SRGAP1: variants seen among roughly 807,000 people sequenced by gnomAD.
SRGAP1 encodes SLIT-ROBO Rho GTPase-activating protein 1.
Under a neutral mutation model 121.9 loss-of-function variants are expected in SRGAP1, and 43 were observed. The observed-to-expected ratio is 0.35, with a 90% CI of 0.28 to 0.46. The LOEUF (loss-of-function observed/expected upper bound fraction) is 0.46, where lower values mean the gene tolerates loss of function less well. Among genes scored for constraint, SRGAP1 ranks in the 20% least tolerant of loss-of-function variants. The probability of loss-of-function intolerance (pLI) is 1.00; values close to 1 mark genes in which losing one functional copy is unlikely to be tolerated. For synonymous variants in SRGAP1, 447 were observed against 485.4 expected (o/e 0.92, Z 1.04); for missense variants, 1,102 against 1,350.9 (o/e 0.82, Z 2.89).
intron 1 of SRGAP1, among the ~76,000 whole-genome samples, chr12:63,937,131 A>G (rs1412407498): frequency 6.6e-6 from 1 of 152,194 alleles, no homozygotes; most frequent in Admixed American, 6.5e-5. Context: ...TGGCACATGA[A>G]TCTCATGTTG....
At chr12:64,008,991 C>T (rs1003893041) in intron 3 of SRGAP1, among the ~76,000 whole-genome samples, 4 of 151,998 alleles carry the variant, frequency 2.6e-5, no homozygotes, top group African/African-American at 7.3e-5. Flanking sequence ...CACCAGGGAA[C>T]GGTATAGCTT....
rs531671510 is a variant in SRGAP1, at chr12:64,045,477, G to A, written c.801+1902G>A. Among the ~76,000 whole-genome samples, 22 of 150,284 alleles carry A rather than the reference G, an allele frequency of 1.5e-4. No individual in the cohort carries two copies. The East Asian group carries it at 2.9e-3, about 20-fold the overall frequency. On this transcript the variant is annotated intron_variant, in intron 6 of 21. Coordinates refer to ENST00000355086, the MANE Select transcript of SRGAP1 (RefSeq NM_020762.4). ...CTGAGATGGAGTCTCACTCTGTCAC[G>A]TAGGCTGGAGTTCAGTGGTACAATC...
At chr12:64,109,425 G>A (rs1239631757) in intron 16 of SRGAP1, among the ~76,000 whole-genome samples, 1 of 152,012 alleles carries the variant, frequency 6.6e-6, no homozygotes, top group Non-Finnish European at 1.5e-5. Context: ...TTGTAGTTGA[G>A]GATGGAAGAA....
intron 1 of SRGAP1, among the ~76,000 whole-genome samples, chr12:63,873,868 A>C (rs1376595133): frequency 6.6e-6 from 1 of 151,726 alleles, no homozygotes; most frequent in African/African-American, 2.4e-5. Context: ...TCTCTACAAA[A>C]AATACAAAAA....
intron 1 of SRGAP1, among the ~76,000 whole-genome samples, chr12:63,855,869 G>T (rs1274997057): frequency 6.6e-6 from 1 of 152,008 alleles, no homozygotes; most frequent in Non-Finnish European, 1.5e-5. Flanking sequence ...TGTGAGTTTT[G>T]TTTTGTTTTA....
At chr12:63,954,754 C>T (rs1016428901) in intron 1 of SRGAP1, among the ~76,000 whole-genome samples, 2 of 151,484 alleles carry the variant, frequency 1.3e-5, no homozygotes. Context: ...TTGAGCTACA[C>T]AATTGTAGGT....
At chr12:64,100,732 A>G (rs1299880901) in intron 15 of SRGAP1, among the ~76,000 whole-genome samples, 1 of 152,112 alleles carries the variant, frequency 6.6e-6, no homozygotes, top group Non-Finnish European at 1.5e-5. Flanking sequence ...TTTTCCTCCA[A>G]CATGTAACCT....
chr12:63,866,177 G>T (rs1352336228), intron 1 of SRGAP1, among the ~76,000 whole-genome samples: 1 of 152,114 alleles, frequency 6.6e-6, no homozygotes, highest in Non-Finnish European at 1.5e-5. Context: ...ACAACTTTTT[G>T]TGTAGTTGTA....
intron 1 of SRGAP1, among the ~76,000 whole-genome samples, chr12:63,896,344 T>C (rs1018233415): frequency 6.6e-6 from 1 of 152,162 alleles, no homozygotes; most frequent in Non-Finnish European, 1.5e-5. Flanking sequence ...AAAGATAGAA[T>C]GTGTGACAGC....
At chr12:63,860,877 G>A (rs750481439) in intron 1 of SRGAP1, among the ~76,000 whole-genome samples, 3 of 150,836 alleles carry the variant, frequency 2.0e-5, no homozygotes, top group Non-Finnish European at 4.4e-5. Flanking sequence ...CCAGACTGGA[G>A]TGCAGTGCTT....
At position 64,142,391 on chromosome 12, in the gene SRGAP1, C is replaced by T. The variant is rs1442582968; in HGVS notation, c.2977C>T (p.Leu993=). 1.2e-6 allele frequency: 2 copies of T among 1,613,954 alleles called. No individual in the cohort carries two copies. The highest frequency in any genetic ancestry group is 1.3e-5 in the African/African-American group (1 of 74,882). Reference sequence around the variant, plus strand: ...TGCCCCTGATGTGGTGCTGGATACCCTGGAGCAAGTGAAAAACTCTCCCAC... The same window carrying T: ...TGCCCCTGATGTGGTGCTGGATACCTTGGAGCAAGTGAAAAACTCTCCCAC... The part of the protein sequence containing the change: ...KHAPDVVLDT[L]EQVKNSPTPA... The change falls in exon 22 of 22, where the codon CTG becomes TTG. Residue 993 remains leucine (L), a synonymous_variant. Coordinates refer to ENST00000355086, the MANE Select transcript of SRGAP1 (RefSeq NM_020762.4).
intron 1 of SRGAP1, among the ~76,000 whole-genome samples, chr12:63,981,227 T>C (rs1464698294): frequency 6.6e-6 from 1 of 152,210 alleles, no homozygotes. Flanking sequence ...TAAATCCTGA[T>C]GGAAGTAAGC....
intron 4 of SRGAP1, among the ~76,000 whole-genome samples, chr12:64,035,431 C>G (rs1380162305): frequency 1.3e-5 from 2 of 152,152 alleles, no homozygotes; most frequent in African/African-American, 4.8e-5. Flanking sequence ...TTATGTCTTT[C>G]ATCTCTAGTC....
chr12:64,086,034 A>T (rs1175793052), intron 10 of SRGAP1, among the ~76,000 whole-genome samples: 1 of 152,180 alleles, frequency 6.6e-6, no homozygotes, highest in Non-Finnish European at 1.5e-5. Flanking sequence ...GTGTTGGTTC[A>T]CCATTCCCAA....
intron 21 of SRGAP1, among the ~76,000 whole-genome samples, chr12:64,130,528 T>C: frequency 6.6e-6 from 1 of 152,162 alleles, no homozygotes; most frequent in Non-Finnish European, 1.5e-5. Flanking sequence ...TGGACACAGA[T>C]TCAGAGCATA....
At chr12:63,994,412 G>A (rs113727685) in intron 3 of SRGAP1, among the ~76,000 whole-genome samples, 8 of 152,196 alleles carry the variant, frequency 5.3e-5, no homozygotes, top group African/African-American at 1.7e-4. Context: ...ACAGTGATAA[G>A]TGCCCTCACA....
intron 1 of SRGAP1, among the ~76,000 whole-genome samples, chr12:63,891,983 C>CAAAAAAAAAAAAAA (rs10716009): frequency 4.2e-5 from 4 of 96,338 alleles, no homozygotes; most frequent in African/African-American, 1.2e-4. Context: ...AAGACTGTCT[C>CAAAAAAAAAAAAAA]AAAAAAAAAA....
intron 21 of SRGAP1, 131 bp downstream of exon 21, chr12:64,128,331 G>GAAACAAA (rs1256081793): frequency 1.1e-6 from 1 of 936,914 alleles, no homozygotes; most frequent in Non-Finnish European, 1.5e-6. Context: ...AAAGAAAACA[G>GAAACAAA]AAACAAAACC....
intron 1 of SRGAP1, among the ~76,000 whole-genome samples, chr12:63,903,407 A>G (rs2030030054): frequency 1.3e-5 from 2 of 152,144 alleles, no homozygotes; most frequent in South Asian, 4.2e-4. Flanking sequence ...TTACAAATAC[A>G]ATACGTTTTT....
Sources: allele counts gnomAD v4.1 joint callset (sites outside exome capture counted in the v4.1 genomes callset), GRCh38; gene constraint gnomAD v4.1.1; transcripts MANE v1.5; gene names NCBI Gene and HGNC (gene_info 2026-07-23, HGNC 2026-07-21).